The following ABI3BP variants were observed in gnomAD, a reference collection of about 807,000 sequenced individuals.
The protein encoded by ABI3BP is target of Nesh-SH3.
ABI3BP carries 216 observed loss-of-function variants against 268.6 expected under a neutral mutation model. The observed-to-expected ratio is 0.80, with a 90% confidence interval of 0.72 to 0.90. The LOEUF is 0.90. Ranked by LOEUF, ABI3BP falls within the 40% of genes least tolerant of loss-of-function variation. The pLI is 0.00. For synonymous variants in ABI3BP, 730 were observed against 730.0 expected (o/e 1.00, Z 0.00); for missense variants, 2,090 against 2,182.4 (o/e 0.96, Z 0.84).
intron 1 of ABI3BP, among the ~76,000 whole-genome samples, chr3:100,989,860 G>C (rs2092644050): frequency 6.6e-6 from 1 of 152,220 alleles, no homozygotes; most frequent in Non-Finnish European, 1.5e-5. Flanking sequence ...GGTAGCTGGA[G>C]CACAGGGGCT....
At chr3:100,839,958 A>G (rs2098666682) in intron 23 of ABI3BP, 114 bp downstream of exon 23, 1 of 815,924 alleles carries the variant, frequency 1.2e-6, no homozygotes, top group African/African-American at 1.7e-5. Context: ...ATGCTCAGTT[A>G]TAAAAGTCAA....
In ABI3BP at chr3:100,829,632, G is replaced by A. The variant is rs1243989155; in HGVS notation, c.2491C>T (p.His831Tyr). The A allele has an allele frequency of 2.6e-6, 4 of 1,535,616 alleles. No homozygotes were observed. The highest frequency in any genetic ancestry group is 2.0e-5 in the Admixed American group (1 of 50,950). The change falls in exon 33 of 68, where the codon CAT (histidine) becomes TAT (tyrosine). Residue 831 changes from histidine (H) to tyrosine (Y), a missense_variant. Coordinates refer to ENST00000471714, the MANE Select transcript of ABI3BP (RefSeq NM_001375547.2). The part of the protein sequence containing the change: ...PKVPQRTHRP[H>Y]PKPKTTLSPE... ...CTCAGTGTGGTTTTAGGTTTGGGAT[G>A]TGGACGATGAGTTCGTTGAGGCACT...
At chr3:100,867,451 C>G (rs1049907011) in intron 9 of ABI3BP, among the ~76,000 whole-genome samples, 2 of 151,700 alleles carry the variant, frequency 1.3e-5, no homozygotes, top group African/African-American at 4.8e-5. Context: ...ACCATCCTGA[C>G]TAACACGGTG....
At chr3:100,904,439 C>T (rs760318571) in intron 2 of ABI3BP, among the ~76,000 whole-genome samples, 1 of 152,146 alleles carries the variant, frequency 6.6e-6, no homozygotes, top group Non-Finnish European at 1.5e-5. Context: ...CTCCCCCACT[C>T]ATTTATGGCA....
At chr3:100,875,067 T>C (rs1271958400) in intron 8 of ABI3BP, 134 bp from the exon 9 acceptor site, 4 of 534,734 alleles carry the variant, frequency 7.5e-6, no homozygotes, top group Non-Finnish European at 1.3e-5. Context: ...ACCCAAACTT[T>C]AAAACATTGG....
intron 20 of ABI3BP, among the ~76,000 whole-genome samples, chr3:100,845,011 A>G (rs2098751039): frequency 6.6e-6 from 1 of 151,762 alleles, no homozygotes; most frequent in Non-Finnish European, 1.5e-5. Context: ...AACCTATCAT[A>G]TATAAACTAT....
intron 1 of ABI3BP, 108 bp from the exon 2 acceptor site, chr3:100,926,589 G>A (rs2061868417): frequency 1.9e-6 from 2 of 1,042,136 alleles, no homozygotes; most frequent in South Asian, 1.5e-5. Flanking sequence ...TGAAAAACAT[G>A]TTGTCTACTT....
chr3:100,824,906 G>T lies in ABI3BP; in HGVS notation c.2698C>A (p.Pro900Thr). ...GGGCTCGGTGTAGTTTTAGGTCTGG[G>T]ACGTGGAGGGCGGGTTCTTTTTGAT... is the stretch of plus-strand genomic sequence containing the variant. Reference protein sequence around the residue: ...KTSKRTRPPRPRPKTTPSPQA... With the variant: ...KTSKRTRPPRTRPKTTPSPQA... Residue 900 changes from proline (P) to threonine (T), a missense_variant, in exon 36 of 68, where the codon CCC becomes ACC. Transcript: ENST00000471714. 6.5e-7 allele frequency: 1 copy of T among 1,536,166 alleles called. No individual in the cohort carries two copies. The highest frequency in any genetic ancestry group is 1.2e-5 in the South Asian group (1 of 84,020).
Position 100,766,512 on chromosome 3 carries a change from T to C in ABI3BP, c.4742-563A>G, listed in dbSNP as rs146946569. Among the ~76,000 whole-genome samples, 173 of 152,312 alleles carry C rather than the reference T, an allele frequency of 1.1e-3. 1 individual carries two copies. Among genetic ancestry groups the C allele is most frequent in the Admixed American group, 1.7e-3 (26 of 15,298 alleles). ...TCATTATTTTGAACTATAGGAGTAG[T>C]TGGTTTTTGTACTCGCTGCCTACAT... On this transcript the variant is annotated intron_variant, in intron 62 of 67. Transcript: ENST00000471714.
chr3:100,963,646 G>A (rs1433948137), intron 1 of ABI3BP, among the ~76,000 whole-genome samples: 1 of 152,182 alleles, frequency 6.6e-6, no homozygotes, highest in African/African-American at 2.4e-5. Flanking sequence ...TCCAATGTAT[G>A]TTAGCCCCTG....
chr3:100,883,941 C>A (rs2040651750), intron 6 of ABI3BP, among the ~76,000 whole-genome samples: 1 of 152,004 alleles, frequency 6.6e-6, no homozygotes. Flanking sequence ...GCACTTAGAT[C>A]ATACAGTACA....
At chr3:100,756,279 C>T (rs2095611984) in intron 63 of ABI3BP, among the ~76,000 whole-genome samples, 1 of 152,196 alleles carries the variant, frequency 6.6e-6, no homozygotes, top group Non-Finnish European at 1.5e-5. Flanking sequence ...AATCCCAGCA[C>T]TTCGGGAGGC....
chr3:100,821,912 C>T (rs2098242308), intron 38 of ABI3BP, among the ~76,000 whole-genome samples: 1 of 151,946 alleles, frequency 6.6e-6, no homozygotes, highest in African/African-American at 2.4e-5. Context: ...AGTAAGACAT[C>T]TTTATATCAG....
At chr3:100,796,384 C>T in intron 52 of ABI3BP, 25 bp downstream of exon 52, 1 of 1,542,500 alleles carries the variant, frequency 6.5e-7, no homozygotes, top group Non-Finnish European at 8.7e-7. Context: ...ACTTCTTAGC[C>T]AGAAGGATGA....
At chr3:100,874,977 A>C in intron 8 of ABI3BP, 44 bp from the exon 9 acceptor site, 1 of 1,133,388 alleles carries the variant, frequency 8.8e-7, no homozygotes, top group Non-Finnish European at 1.3e-6. Flanking sequence ...AAGAAAGTGC[A>C]TCATGACATA....
intron 63 of ABI3BP, among the ~76,000 whole-genome samples, chr3:100,755,436 G>A (rs1202766189): frequency 6.6e-6 from 1 of 152,150 alleles, no homozygotes; most frequent in Non-Finnish European, 1.5e-5. Context: ...ATTCTATGAT[G>A]TCTCCAGAAA....
intron 1 of ABI3BP, among the ~76,000 whole-genome samples, chr3:100,939,221 G>A (rs34275644): frequency 0.1 from 15,705 of 152,086 alleles, 1,102 homozygotes; most frequent in Non-Finnish European, 0.15. Flanking sequence ...AGTGGGCAGT[G>A]AACATGTAGC....
intron 63 of ABI3BP, among the ~76,000 whole-genome samples, chr3:100,759,903 T>C (rs2095846564): frequency 6.6e-6 from 1 of 152,170 alleles, no homozygotes; most frequent in Admixed American, 6.5e-5. Context: ...AGAAGAGATG[T>C]TGAGAAGTTA....
chr3:100,780,045 G>T, intron 58 of ABI3BP, 87 bp downstream of exon 58: 1 of 1,223,132 alleles, frequency 8.2e-7, no homozygotes, highest in Non-Finnish European at 1.2e-6. Context: ...TGTGGATGTT[G>T]CTGTTTTTGC....
Sources: gnomAD v4.1 joint callset for allele counts (sites outside exome capture counted in the v4.1 genomes callset) on GRCh38, gnomAD v4.1.1 for gene constraint, MANE v1.5 for transcripts, NCBI Gene and HGNC (gene_info 2026-07-23, HGNC 2026-07-21) for gene names.